The following NKX2-5 variants were observed in gnomAD, a reference collection of about 807,000 sequenced individuals.
NKX2-5 encodes the protein NK2 homeobox 5.
A neutral mutation model predicts 24.5 loss-of-function variants in NKX2-5; 3 were observed. That is an observed-to-expected ratio of 0.12 (90% CI 0.06 to 0.32). The LOEUF is 0.32. NKX2-5 is among the 10% of genes least tolerant of loss of function. The probability of loss-of-function intolerance (pLI) is 1.00; values close to 1 mark genes in which losing one functional copy is unlikely to be tolerated. For synonymous variants in NKX2-5, 215 were observed against 217.6 expected (o/e 0.99, Z 0.11); for missense variants, 429 against 452.4 (o/e 0.95, Z 0.47).
intron 1 of NKX2-5, chr5:173,233,525 A>C: frequency 1.2e-6 from 1 of 854,634 alleles, no homozygotes; most frequent in Non-Finnish European, 1.8e-6. Context: ...AAAAATAAAT[A>C]AAAAAATAAA....
At position 173,234,232 on chromosome 5, in the gene NKX2-5, G is replaced by A. The variant is rs558840609; in HGVS notation, c.334+518C>T. ...CGATCCCAGACTCCACTTTCCTGGC[G>A]CAAAGAAAGAAAGGCACCAGAAACC... On this transcript the variant is annotated intron_variant, in intron 1 of 1. Transcript: ENST00000329198. The A allele has an allele frequency of 1.5e-5, 18 of 1,222,274 alleles. No homozygotes were observed. In the East Asian group the frequency reaches 9.3e-4, roughly 63 times the overall value. The allele number at this position is 1,222,274 out of a possible 1,614,324, so 75.7% of individuals were successfully genotyped here.
At position 173,232,140 on chromosome 5, in the gene NKX2-5, G is replaced by A; in HGVS notation, c.*429C>T. Reference sequence around the variant, plus strand: ...CACTCTCTTTAATGGGAAGGGGATCGTCATTTCTTACAGCAATAGGTAAAA... The same window carrying A: ...CACTCTCTTTAATGGGAAGGGGATCATCATTTCTTACAGCAATAGGTAAAA... On this transcript the variant is annotated 3_prime_UTR_variant, in exon 2 of 2. Coordinates refer to ENST00000329198, the MANE Select transcript of NKX2-5 (RefSeq NM_004387.4). This position sits in a 1 kb window ranked among gnomAD's most constrained non-coding sequence, Gnocchi z 5.9. The A allele has an allele frequency of 1.0e-5, 2 of 190,978 alleles. No homozygotes were observed. The highest frequency in any genetic ancestry group is 1.1e-4 in the South Asian group (1 of 9,142). 11.8% of individuals were successfully genotyped at this position (190,978 alleles called of 1,614,324 possible).
Position 173,233,194 on chromosome 5 carries a change from T to G in NKX2-5, c.350A>C (p.Gln117Pro), listed in dbSNP as rs1761366273. 6.2e-7 allele frequency: 1 copy of G among 1,601,248 alleles called. No individual in the cohort carries two copies. The highest frequency in any genetic ancestry group is 8.5e-7 in the Non-Finnish European group (1 of 1,179,114). ...RAEKKELCAL[Q>P]KAVELEKTEA... ...TGTCTTCTCCAGCTCCACCGCCTTCTGCAGCGCGCACAGCTCTGAGGGGGA... is the reference window on the plus strand; with the variant it reads ...TGTCTTCTCCAGCTCCACCGCCTTCGGCAGCGCGCACAGCTCTGAGGGGGA... The change falls in exon 2 of 2, where the codon CAG (glutamine) becomes CCG (proline). Residue 117 changes from glutamine (Q) to proline (P), a missense_variant. Gln to Pro is a moderately conservative substitution (Grantham distance 76, BLOSUM62 -1). Coordinates refer to ENST00000329198, the MANE Select transcript of NKX2-5 (RefSeq NM_004387.4).
In NKX2-5 at chr5:173,233,159, T is replaced by A; in HGVS notation, c.385A>T (p.Asn129Tyr). 1.2e-6 allele frequency: 2 copies of A among 1,602,792 alleles called. No individual in the cohort carries two copies. The highest frequency in any genetic ancestry group is 1.7e-6 in the Non-Finnish European group (2 of 1,177,920). ...CGTCGCGCCCGGGGCCGCTCCGCGT[T>A]GTCCGCCTCTGTCTTCTCCAGCTCC... ...AVELEKTEADNAERPRARRRR... is the reference protein window; with the variant it reads ...AVELEKTEADYAERPRARRRR... The change falls in exon 2 of 2, where the codon AAC becomes TAC. Residue 129 changes from asparagine to tyrosine, a missense_variant. By Grantham distance (143) the Asn-to-Tyr change is moderately radical. This residue lies in a region of NKX2-5 where 240 missense variants were observed against 240.4 expected (regional missense o/e 1.00). Coordinates refer to ENST00000329198, the MANE Select transcript of NKX2-5 (RefSeq NM_004387.4).
Position 173,232,575 on chromosome 5 carries a change from G to A in NKX2-5, c.969C>T (p.Ala323=), listed in dbSNP as rs370499146. 2.9e-5 allele frequency: 47 copies of A among 1,608,626 alleles called. No homozygotes were observed. The highest frequency in any genetic ancestry group is 3.7e-5 in the Non-Finnish European group (44 of 1,179,980). ...CGCCACGCGGGTCCCTTCCCTACCA[G>A]GCTCGGATACCATGCAGCGTGGACA... ...SGVSTLHGIR[A]W is the part of the protein sequence containing the mutation. The change falls in exon 2 of 2, where the codon GCC becomes GCT. Residue 323 remains alanine (A), a synonymous_variant. Transcript: ENST00000329198. The surrounding 1 kb of genome is among the most constrained non-coding windows in gnomAD (Gnocchi z 5.9).
Position 173,235,006 on chromosome 5 carries a change from G to C in NKX2-5, c.78C>G (p.Ser26Arg). 2 of 1,612,266 alleles carry C rather than the reference G, an allele frequency of 1.2e-6. No individual in the cohort carries two copies. Among genetic ancestry groups the C allele is most frequent in the Non-Finnish European group, 1.7e-6 (2 of 1,179,614 alleles). ...DILNLEQQQR[S>R]LAAAGELSAR... is the part of the protein sequence containing the mutation. The stretch of plus-strand genomic sequence containing the variant: ...CAGAGAGCTCTCCGGCGGCAGCCAG[G>C]CTGCGCTGCTGCTGTTCCAGGTTTA... The change falls in exon 1 of 2, where the codon AGC becomes AGG. Residue 26 changes from serine (S) to arginine (R), a missense_variant. By Grantham distance (110) the Ser-to-Arg change is moderately radical. Coordinates refer to ENST00000329198, the MANE Select transcript of NKX2-5 (RefSeq NM_004387.4).
chr5:173,234,102 G>A (rs949641351), intron 1 of NKX2-5: 55 of 1,289,302 alleles, frequency 4.3e-5, no homozygotes, highest in Non-Finnish European at 5.2e-5. Context: ...ACTTTTCCAC[G>A]AGGGAACCTC....
chr5:173,233,816 GC>G (rs1308526908), intron 1 of NKX2-5: 1 of 983,486 alleles, frequency 1.0e-6, no homozygotes, highest in East Asian at 1.1e-4. Context: ...ATCAGTTCTA[GC>G]CGCCGTGCCC....
At position 173,232,542 on chromosome 5, in the gene NKX2-5, C is replaced by G. The variant is rs773177452; in HGVS notation, c.*27G>C. 2.0e-5 allele frequency: 32 copies of G among 1,601,514 alleles called. No homozygotes were observed. Among genetic ancestry groups the G allele is most frequent in the Non-Finnish European group, 1.4e-5 (17 of 1,179,682 alleles). On this transcript the variant is annotated 3_prime_UTR_variant, in exon 2 of 2. Transcript: ENST00000329198. This position sits in a 1 kb window ranked among gnomAD's most constrained non-coding sequence, Gnocchi z 5.9. ...AGGGAGCTGTTGAGGTGGGATCGGT[C>G]AGGGTCGCGCCACGCGGGTCCCTTC...
At position 173,232,861 on chromosome 5, in the gene NKX2-5, T is replaced by G. The variant is rs922066386; in HGVS notation, c.683A>C (p.Lys228Thr). 1.2e-6 allele frequency: 2 copies of G among 1,611,204 alleles called. No individual in the cohort carries two copies. The highest frequency in any genetic ancestry group is 1.7e-6 in the Non-Finnish European group (2 of 1,179,188). The change falls in exon 2 of 2, where the codon AAG becomes ACG. Residue 228 changes from lysine (K) to threonine (T), a missense_variant. This residue lies in a region of NKX2-5 where 183 missense variants were observed against 185.9 expected (regional missense o/e 0.98). Coordinates refer to ENST00000329198, the MANE Select transcript of NKX2-5 (RefSeq NM_004387.4). This position sits in a 1 kb window ranked among gnomAD's most constrained non-coding sequence, Gnocchi z 5.9. ...GGGCGCCGAGTCCCCTAGGCATGGC[T>G]TGCCATCGCGCACCAGCACTGGCAC... The part of the protein sequence containing the change: ...IAVPVLVRDG[K>T]PCLGDSAPYA...
chr5:173,233,271 G>A, intron 1 of NKX2-5, 62 bp from the exon 2 acceptor site: 2 of 1,565,694 alleles, frequency 1.3e-6, no homozygotes, highest in Non-Finnish European at 1.7e-6. Context: ...ACGGAGCGCG[G>A]CCGCACAGTA....
intron 1 of NKX2-5, chr5:173,233,646 T>C (rs1188888401): frequency 3.1e-6 from 2 of 648,496 alleles, no homozygotes; most frequent in Admixed American, 3.4e-5. Context: ...GACGGTCTTA[T>C]CTCAAAATTA....
intron 1 of NKX2-5, 146 bp from the exon 2 acceptor site, chr5:173,233,355 G>A (rs1761371886): frequency 2.0e-6 from 3 of 1,536,924 alleles, no homozygotes; most frequent in Non-Finnish European, 2.6e-6. Context: ...ACTCTGCCAA[G>A]TGCACTGGGA....
In NKX2-5 at chr5:173,232,508, C is replaced by A. The variant is rs703752; in HGVS notation, c.*61G>T. ...GTCATGTTGGGAGCCCCTTCTCCCC[C>A]CGAGAGTCAGGGAGCTGTTGAGGTG... On this transcript the variant is annotated 3_prime_UTR_variant, in exon 2 of 2. Coordinates refer to ENST00000329198, the MANE Select transcript of NKX2-5 (RefSeq NM_004387.4). This position sits in a 1 kb window ranked among gnomAD's most constrained non-coding sequence, Gnocchi z 5.9. 0.34 allele frequency: 546,644 copies of A among 1,589,370 alleles called. 96,536 individuals are homozygous for A. The highest frequency in any genetic ancestry group is 0.4 in the South Asian group (35,765 of 89,914).
chr5:173,233,411 T>G, intron 1 of NKX2-5: 2 of 1,532,418 alleles, frequency 1.3e-6, no homozygotes. Context: ...TCAGGCTGGC[T>G]CAAGGCGCTG....
chr5:173,232,221 C>A lies in NKX2-5; in HGVS notation c.*348G>T, dbSNP rs557781840. The A allele has an allele frequency of 2.3e-5, 7 of 308,308 alleles. No individual in the cohort carries two copies. Among genetic ancestry groups the A allele is most frequent in the South Asian group, 2.0e-4 (4 of 20,214 alleles). 19.1% of individuals were successfully genotyped at this position (308,308 alleles called of 1,614,324 possible). ...GACGGCGAGATAGCAAAGGCCCGGGCGCCCGGCCCTGGCTCGCGGAATGGG... is the reference window on the plus strand; with the variant it reads ...GACGGCGAGATAGCAAAGGCCCGGGAGCCCGGCCCTGGCTCGCGGAATGGG... On this transcript the variant is annotated 3_prime_UTR_variant, in exon 2 of 2. Transcript: ENST00000329198. The surrounding 1 kb of genome is among the most constrained non-coding windows in gnomAD (Gnocchi z 5.9).
chr5:173,234,102 G>C, intron 1 of NKX2-5: 1 of 1,289,420 alleles, frequency 7.8e-7, no homozygotes, highest in Non-Finnish European at 1.0e-6. Flanking sequence ...ACTTTTCCAC[G>C]AGGGAACCTC....
chr5:173,233,638 C>T (rs1175318483), intron 1 of NKX2-5: 9 of 644,756 alleles, frequency 1.4e-5, no homozygotes, highest in South Asian at 2.5e-5. Context: ...CTGCTAGGGA[C>T]GGTCTTATCT....
In NKX2-5 at chr5:173,233,168, C is replaced by T. The variant is rs1761364782; in HGVS notation, c.376G>A (p.Glu126Lys). 4 of 1,603,238 alleles carry T rather than the reference C, an allele frequency of 2.5e-6. No homozygotes were observed. Among genetic ancestry groups the T allele is most frequent in the South Asian group, 2.2e-5 (2 of 90,220 alleles). The change falls in exon 2 of 2, where the codon GAG becomes AAG. Residue 126 changes from glutamate (E) to lysine (K), a missense_variant. By Grantham distance (56) the Glu-to-Lys change is moderately conservative. Around this residue, in one of 3 missense-constraint regions of NKX2-5, gnomAD observed 240 missense variants for 240.4 expected, o/e 1.00. Transcript: ENST00000329198. ...LQKAVELEKT[E>K]ADNAERPRAR... ...CGGGGCCGCTCCGCGTTGTCCGCCT[C>T]TGTCTTCTCCAGCTCCACCGCCTTC...
Sources: allele counts gnomAD v4.1 joint callset, GRCh38; gene constraint gnomAD v4.1.1; regional missense constraint gnomAD v4.1.1; non-coding constraint Gnocchi (gnomAD v3.1); transcripts MANE v1.5; gene names NCBI Gene and HGNC (gene_info 2026-07-23, HGNC 2026-07-21).